DCC: variants seen among roughly 807,000 people sequenced by gnomAD.
DCC encodes the protein netrin receptor DCC.
Under a neutral mutation model 172.5 loss-of-function variants are expected in DCC, and 58 were observed. The observed-to-expected ratio is 0.34, with a 90% CI of 0.27 to 0.42. The LOEUF (loss-of-function observed/expected upper bound fraction) is 0.42. DCC is among the 10% of genes least tolerant of loss of function. DCC has a pLI of 1.00. For missense variants in DCC, 1,740 were observed against 1,791.0 expected (o/e 0.97, Z 0.51); for synonymous variants, 709 against 644.5 (o/e 1.10, Z -1.52).
chr18:52,521,894 G>A (rs1253509372), intron 1 of DCC, among the ~76,000 whole-genome samples: 1 of 152,016 alleles, frequency 6.6e-6, no homozygotes, highest in Non-Finnish European at 1.5e-5. Flanking sequence ...AGTTAAGATG[G>A]CACTCAATAA....
chr18:53,051,017 C>T (rs899768844), intron 5 of DCC, among the ~76,000 whole-genome samples: 6 of 152,040 alleles, frequency 3.9e-5, no homozygotes, highest in African/African-American at 1.4e-4. Context: ...ACTGCTTGAG[C>T]CCAGAAGTTC....
intron 7 of DCC, among the ~76,000 whole-genome samples, chr18:53,125,539 C>G (rs1236515808): frequency 6.6e-6 from 1 of 151,998 alleles, no homozygotes; most frequent in Non-Finnish European, 1.5e-5. Context: ...ATAGGTCTTC[C>G]CATTTGTTGG....
At chr18:52,927,765 AT>A (rs1422423950) in intron 5 of DCC, among the ~76,000 whole-genome samples, 1 of 152,104 alleles carries the variant, frequency 6.6e-6, no homozygotes, top group Non-Finnish European at 1.5e-5. Context: ...AATAACAGAT[AT>A]TGCCGGGGTT....
intron 1 of DCC, among the ~76,000 whole-genome samples, chr18:52,673,850 A>G (rs2035600144): frequency 6.6e-6 from 1 of 152,198 alleles, no homozygotes; most frequent in Non-Finnish European, 1.5e-5. Flanking sequence ...CTCATTTTTA[A>G]TATTCATAGT....
At chr18:53,258,668 C>T (rs952614056) in intron 12 of DCC, among the ~76,000 whole-genome samples, 1 of 152,146 alleles carries the variant, frequency 6.6e-6, no homozygotes, top group Non-Finnish European at 1.5e-5. Context: ...TGGTGTTGTG[C>T]TGAAAAGAAT....
chr18:52,627,011 T>A (rs2034586530), intron 1 of DCC, among the ~76,000 whole-genome samples: 1 of 152,196 alleles, frequency 6.6e-6, no homozygotes. Flanking sequence ...CACACTACCC[T>A]CTTCTCTGTT....
chr18:53,187,643 A>C (rs1348852245), intron 9 of DCC, among the ~76,000 whole-genome samples: 2 of 152,202 alleles, frequency 1.3e-5, no homozygotes, highest in Non-Finnish European at 2.9e-5. Flanking sequence ...ACTGCAGGTT[A>C]TATTCTGCCT....
chr18:52,899,820 T>C (rs990242786), intron 2 of DCC, among the ~76,000 whole-genome samples: 53 of 152,318 alleles, frequency 3.5e-4, no homozygotes, highest in African/African-American at 1.2e-3. Context: ...CTTTATGCTT[T>C]CCTAGTTATT....
chr18:53,064,180 G>C (rs1474991499), intron 6 of DCC, among the ~76,000 whole-genome samples: 4 of 152,120 alleles, frequency 2.6e-5, no homozygotes, highest in African/African-American at 9.7e-5. Flanking sequence ...TCACTGAGTT[G>C]TTGGCCTGGT....
intron 2 of DCC, among the ~76,000 whole-genome samples, chr18:52,752,986 T>TAC (rs1309558576): frequency 2.7e-5 from 4 of 147,500 alleles, no homozygotes; most frequent in Non-Finnish European, 2.9e-5. Flanking sequence ...GTATATCATA[T>TAC]ATACACACAC....
At chr18:53,502,736 C>T (rs1173669651) in intron 27 of DCC, among the ~76,000 whole-genome samples, 7 of 152,064 alleles carry the variant, frequency 4.6e-5, no homozygotes, top group Non-Finnish European at 7.4e-5. Context: ...TAATGTGAGG[C>T]ATTGCTCTAA....
At chr18:52,521,322 T>G (rs2031807319) in intron 1 of DCC, among the ~76,000 whole-genome samples, 1 of 152,208 alleles carries the variant, frequency 6.6e-6, no homozygotes, top group Non-Finnish European at 1.5e-5. Flanking sequence ...TCATGTTCAC[T>G]GAATAATTTT....
chr18:53,331,165 T>G (rs2057525853), intron 14 of DCC, among the ~76,000 whole-genome samples: 1 of 152,226 alleles, frequency 6.6e-6, no homozygotes, highest in African/African-American at 2.4e-5. Flanking sequence ...ATGAAAACCC[T>G]AGCTTTCTAG....
chr18:52,901,148 A>G lies in DCC; in HGVS notation c.413-4896A>G, dbSNP rs113786750. ...TACTAAACCTTTAAAAATAACCATC[A>G]TGGGCTGTGTACAGTGACTCACGCC... On this transcript the variant is annotated intron_variant, in intron 2 of 28. Transcript: ENST00000442544. Among the ~76,000 whole-genome samples, 1,058 of 152,238 alleles carry G rather than the reference A, an allele frequency of 6.9e-3. 10 individuals are homozygous for G. The highest frequency in any genetic ancestry group is 0.012 in the Non-Finnish European group (792 of 67,972).
chr18:52,609,391 A>G (rs578078514), intron 1 of DCC, among the ~76,000 whole-genome samples: 3 of 148,596 alleles, frequency 2.0e-5, no homozygotes, highest in Non-Finnish European at 4.5e-5. Context: ...TCTTATTACA[A>G]TATAGCAGCT....
At chr18:52,345,731 G>T (rs1983849597) in intron 1 of DCC, among the ~76,000 whole-genome samples, 1 of 152,202 alleles carries the variant, frequency 6.6e-6, no homozygotes, top group Non-Finnish European at 1.5e-5. Flanking sequence ...ACTTTGCAAG[G>T]TCAGGGGGAT....
chr18:52,632,762 T>G (rs1042034571), intron 1 of DCC, among the ~76,000 whole-genome samples: 13 of 152,238 alleles, frequency 8.5e-5, no homozygotes, highest in African/African-American at 3.1e-4. Context: ...TCTGCTTATT[T>G]TTATAGATTG....
intron 5 of DCC, among the ~76,000 whole-genome samples, chr18:53,034,964 C>T (rs1422887075): frequency 6.6e-6 from 1 of 152,100 alleles, no homozygotes; most frequent in Non-Finnish European, 1.5e-5. Context: ...TTCCCACTTT[C>T]CTACACAATT....
intron 12 of DCC, among the ~76,000 whole-genome samples, chr18:53,269,423 G>A (rs928369565): frequency 2.0e-5 from 3 of 152,040 alleles, no homozygotes; most frequent in African/African-American, 7.2e-5. Context: ...CTCCATCCAA[G>A]GTGGTGACTC....
Sources: gnomAD v4.1 joint callset for allele counts (sites outside exome capture counted in the v4.1 genomes callset) on GRCh38, gnomAD v4.1.1 for gene constraint, MANE v1.5 for transcripts, NCBI Gene and HGNC (gene_info 2026-07-23, HGNC 2026-07-21) for gene names.